The following SPPL3 variants were observed in gnomAD, a reference collection of about 807,000 sequenced individuals.
SPPL3 encodes signal peptide peptidase-like 3.
In SPPL3, 5 loss-of-function variants were observed where a neutral mutation model predicts 42.4. The ratio of observed to expected loss-of-function variants is 0.12; its 90% CI spans 0.06 to 0.25. The LOEUF (loss-of-function observed/expected upper bound fraction) is 0.25, where lower values mean the gene tolerates loss of function less well. SPPL3 is among the 10% of genes least tolerant of loss of function. SPPL3 has a pLI of 1.00. For synonymous variants in SPPL3, 195 were observed against 181.8 expected (o/e 1.07, Z -0.58); for missense variants, 235 against 489.0 (o/e 0.48, Z 4.90).
intron 9 of SPPL3, among the ~76,000 whole-genome samples, chr12:120,766,841 C>G (rs901247746): frequency 6.6e-6 from 1 of 152,218 alleles, no homozygotes; most frequent in Non-Finnish European, 1.5e-5. Context: ...TGTGAATGAA[C>G]TGCTGTGGGA....
chr12:120,814,091 C>G (rs939093688), intron 1 of SPPL3, among the ~76,000 whole-genome samples: 3 of 151,218 alleles, frequency 2.0e-5, no homozygotes, highest in Non-Finnish European at 4.4e-5. Context: ...AGGGATACAC[C>G]AAAAAAAAGG....
chr12:120,796,339 G>A (rs563418262), intron 2 of SPPL3, among the ~76,000 whole-genome samples: 1 of 152,290 alleles, frequency 6.6e-6, no homozygotes, highest in East Asian at 1.9e-4. Context: ...TCACGCCACT[G>A]CACTCCAGCC....
At chr12:120,795,921 C>T (rs1446442600) in intron 2 of SPPL3, among the ~76,000 whole-genome samples, 1 of 152,104 alleles carries the variant, frequency 6.6e-6, no homozygotes, top group African/African-American at 2.4e-5. Flanking sequence ...AAAAATTATT[C>T]TTTTCTGTAC....
chr12:120,888,604 C>T (rs935112824), intron 1 of SPPL3, among the ~76,000 whole-genome samples: 1 of 152,072 alleles, frequency 6.6e-6, no homozygotes, highest in African/African-American at 2.4e-5. Context: ...AAGAACAAAT[C>T]CGTAGAGGCC....
chr12:120,818,058 T>C (rs944664429), intron 1 of SPPL3, among the ~76,000 whole-genome samples: 1 of 152,184 alleles, frequency 6.6e-6, no homozygotes, highest in Non-Finnish European at 1.5e-5. Context: ...AGTCTCTCCC[T>C]ATCCTACATT....
At chr12:120,871,483 T>C (rs1261591272) in intron 1 of SPPL3, among the ~76,000 whole-genome samples, 1 of 152,140 alleles carries the variant, frequency 6.6e-6, no homozygotes, top group Non-Finnish European at 1.5e-5. Flanking sequence ...CCAGGTGCAG[T>C]GGCTCACAGC....
intron 2 of SPPL3, among the ~76,000 whole-genome samples, chr12:120,803,546 A>G (rs934991963): frequency 5.3e-5 from 8 of 152,112 alleles, no homozygotes; most frequent in African/African-American, 1.7e-4. Context: ...AAATGAAAAA[A>G]TAATAAAATT....
intron 9 of SPPL3, 119 bp downstream of exon 9, chr12:120,767,275 G>GTA: frequency 9.2e-7 from 1 of 1,090,344 alleles, no homozygotes; most frequent in Non-Finnish European, 1.3e-6. Context: ...GTCTATTACA[G>GTA]CACCCAGAAT....
intron 2 of SPPL3, among the ~76,000 whole-genome samples, chr12:120,805,293 A>G (rs974951357): frequency 9.2e-4 from 140 of 152,206 alleles, no homozygotes; most frequent in African/African-American, 3.3e-3. Flanking sequence ...CACAGGATCA[A>G]CTCAATAGAA....
At chr12:120,813,782 C>A (rs1566049298) in intron 1 of SPPL3, among the ~76,000 whole-genome samples, 1 of 152,080 alleles carries the variant, frequency 6.6e-6, no homozygotes, top group African/African-American at 2.4e-5. Flanking sequence ...TCAGAAACTG[C>A]CAATCAAACC....
In SPPL3 at chr12:120,835,423, T is replaced by C. The variant is rs182324333; in HGVS notation, c.24-24537A>G. 5.3e-5 allele frequency: 8 copies of C among 152,372 alleles called. No individual in the cohort carries two copies. The East Asian group carries it at 1.3e-3, about 26-fold the overall frequency. The allele number at this position is 152,372 out of a possible 1,614,324, so 9.4% of individuals were successfully genotyped here. The stretch of plus-strand genomic sequence containing the variant: ...TCTAGGCAAGCTTGTTCGTTAGTCA[T>C]AGATGTTATACATACAGTTATAGAT... On this transcript the variant is annotated intron_variant, in intron 1 of 10. Coordinates refer to ENST00000353487, the MANE Select transcript of SPPL3 (RefSeq NM_139015.5).
chr12:120,810,465 C>T (rs1870648454), intron 2 of SPPL3, among the ~76,000 whole-genome samples: 1 of 151,558 alleles, frequency 6.6e-6, no homozygotes, highest in African/African-American at 2.4e-5. Context: ...TCAAATTGTC[C>T]TTCCATTTAA....
At chr12:120,898,296 GTTTT>G (rs1162273579) in intron 1 of SPPL3, among the ~76,000 whole-genome samples, 1 of 91,138 alleles carries the variant, frequency 1.1e-5, no homozygotes, top group Non-Finnish European at 1.9e-5. Flanking sequence ...GCAAGACTCT[GTTTT>G]TTTTTTTTTT....
chr12:120,821,132 T>A (rs1487381573), intron 1 of SPPL3, among the ~76,000 whole-genome samples: 1 of 152,202 alleles, frequency 6.6e-6, no homozygotes, highest in Non-Finnish European at 1.5e-5. Flanking sequence ...GTAAAGATGA[T>A]CTGGAGTAAT....
chr12:120,902,936 T>C (rs1047034625), intron 1 of SPPL3, among the ~76,000 whole-genome samples: 16 of 152,106 alleles, frequency 1.1e-4, no homozygotes, highest in African/African-American at 3.9e-4. Flanking sequence ...GGGAGACCCC[T>C]CATGTTCCTT....
At chr12:120,817,237 A>G (rs1870913238) in intron 1 of SPPL3, among the ~76,000 whole-genome samples, 1 of 152,104 alleles carries the variant, frequency 6.6e-6, no homozygotes, top group African/African-American at 2.4e-5. Flanking sequence ...TCAGGTTGCA[A>G]TGAGCCATGA....
intron 1 of SPPL3, among the ~76,000 whole-genome samples, chr12:120,827,355 T>TAATAATAATAATAATA (rs1292632080): frequency 7.2e-6 from 1 of 138,710 alleles, no homozygotes; most frequent in African/African-American, 2.8e-5. Flanking sequence ...ATAATAATAA[T>TAATAATAATAATAATA]ATAATAATAT....
At chr12:120,810,641 T>G (rs1262149663) in intron 2 of SPPL3, among the ~76,000 whole-genome samples, 168 bp downstream of exon 2, 2 of 152,194 alleles carry the variant, frequency 1.3e-5, no homozygotes, top group Non-Finnish European at 2.9e-5. Context: ...TGAAGAAGTG[T>G]TTAACAGCAG....
intron 1 of SPPL3, among the ~76,000 whole-genome samples, chr12:120,876,851 T>C (rs913933681): frequency 6.9e-6 from 1 of 145,628 alleles, no homozygotes; most frequent in Admixed American, 6.8e-5. Context: ...ACAAATTAAA[T>C]GCAAAGAAAG....
Sources: allele counts gnomAD v4.1 joint callset (sites outside exome capture counted in the v4.1 genomes callset), GRCh38; gene constraint gnomAD v4.1.1; transcripts MANE v1.5; gene names NCBI Gene and HGNC (gene_info 2026-07-23, HGNC 2026-07-21).